The following SUPT3H variants were observed in gnomAD, a reference collection of about 807,000 sequenced individuals.
SUPT3H encodes the protein transcription initiation protein SPT3 homolog.
SUPT3H carries 44 observed loss-of-function variants against 44.3 expected under a neutral mutation model. The ratio of observed to expected loss-of-function variants is 0.99; its 90% CI spans 0.78 to 1.28. The LOEUF (loss-of-function observed/expected upper bound fraction) is 1.28, where lower values mean the gene tolerates loss of function less well. Among genes scored for constraint, SUPT3H ranks in the 50% most tolerant of loss-of-function variants. The pLI, the probability that SUPT3H is intolerant of heterozygous loss-of-function variation, is 0.00. For missense variants in SUPT3H, 380 were observed against 387.1 expected (o/e 0.98, Z 0.15); for synonymous variants, 124 against 125.6 (o/e 0.99, Z 0.09).
At chr6:45,338,684 T>A (rs1789130571) in intron 2 of SUPT3H, among the ~76,000 whole-genome samples, 1 of 152,146 alleles carries the variant, frequency 6.6e-6, no homozygotes, top group South Asian at 2.1e-4. Flanking sequence ...AATATAAATT[T>A]GGGTTCAGCT....
intron 2 of SUPT3H, among the ~76,000 whole-genome samples, chr6:45,345,693 C>A (rs924227442): frequency 9.2e-5 from 14 of 152,212 alleles, no homozygotes; most frequent in African/African-American, 3.1e-4. Flanking sequence ...GGTCTTTCCA[C>A]AGCCAACTCA....
intron 2 of SUPT3H, among the ~76,000 whole-genome samples, chr6:45,319,129 T>C (rs912617960): frequency 2.0e-5 from 3 of 152,096 alleles, no homozygotes; most frequent in Non-Finnish European, 4.4e-5. Flanking sequence ...TGAAGATGCT[T>C]TTTGGGTTTG....
intron 2 of SUPT3H, among the ~76,000 whole-genome samples, chr6:45,362,617 A>T (rs1238173680): frequency 6.6e-6 from 1 of 152,188 alleles, no homozygotes; most frequent in Non-Finnish European, 1.5e-5. Context: ...TCTATAAAGA[A>T]ATTCCTAAGG....
chr6:45,357,037 C>T (rs1383597693), intron 2 of SUPT3H, among the ~76,000 whole-genome samples: 3 of 152,098 alleles, frequency 2.0e-5, no homozygotes, highest in East Asian at 1.9e-4. Context: ...GACGGAGTCT[C>T]ACTCTGTCGC....
At chr6:45,157,542 T>C (rs926536151) in intron 2 of SUPT3H, among the ~76,000 whole-genome samples, 1 of 151,262 alleles carries the variant, frequency 6.6e-6, no homozygotes, top group Non-Finnish European at 1.5e-5. Flanking sequence ...TATATAAATA[T>C]ATATATACAT....
At chr6:44,838,717 G>T (rs775377852) in intron 10 of SUPT3H, among the ~76,000 whole-genome samples, 11 of 152,126 alleles carry the variant, frequency 7.2e-5, no homozygotes, top group Non-Finnish European at 1.5e-4. Context: ...TTGAATCACT[G>T]CTTTAGGGCC....
At chr6:45,375,500 T>C (rs1796653991) in intron 1 of SUPT3H, among the ~76,000 whole-genome samples, 3 of 152,198 alleles carry the variant, frequency 2.0e-5, no homozygotes, top group Non-Finnish European at 4.4e-5. Context: ...AGCTTTAAGT[T>C]ATTGCTCCAG....
chr6:45,139,801 A>G (rs921957469), intron 2 of SUPT3H, among the ~76,000 whole-genome samples: 2 of 152,192 alleles, frequency 1.3e-5, no homozygotes, highest in African/African-American at 4.8e-5. Flanking sequence ...GCCCTTAGGG[A>G]AAGCAGACAG....
chr6:45,303,987 A>C lies in SUPT3H; in HGVS notation c.101+61214T>G, dbSNP rs185534750. 3.1e-4 allele frequency among the ~76,000 whole-genome samples: 47 copies of C among 152,120 alleles called. 1 individual carries two copies. The East Asian group carries it at 9.1e-3, about 29-fold the overall frequency. On this transcript the variant is annotated intron_variant, in intron 2 of 10. Transcript: ENST00000371459. ...GCAAGACTCTGTCTCAAAAAAAAAA[A>C]AAACCAAAGCCAATTAAATCTTTAA... is the stretch of plus-strand genomic sequence containing the variant.
chr6:45,072,753 T>C (rs1794552850), intron 3 of SUPT3H, among the ~76,000 whole-genome samples: 1 of 152,090 alleles, frequency 6.6e-6, no homozygotes, highest in Non-Finnish European at 1.5e-5. Context: ...GAGTAATTGG[T>C]ACCCATCTTT....
At chr6:45,038,486 A>G (rs778115509) in intron 3 of SUPT3H, among the ~76,000 whole-genome samples, 1 of 152,212 alleles carries the variant, frequency 6.6e-6, no homozygotes, top group Non-Finnish European at 1.5e-5. Context: ...ATCATTTGTC[A>G]TAATAATCAG....
chr6:45,149,087 C>T (rs1435015030), intron 2 of SUPT3H, among the ~76,000 whole-genome samples: 1 of 152,172 alleles, frequency 6.6e-6, no homozygotes. Context: ...GATTACTAAA[C>T]ATATTAATAT....
intron 6 of SUPT3H, among the ~76,000 whole-genome samples, chr6:44,974,802 A>G (rs1184833832): frequency 6.6e-6 from 1 of 152,182 alleles, no homozygotes; most frequent in Non-Finnish European, 1.5e-5. Context: ...AGTCAATACA[A>G]TAAGACCTCT....
intron 10 of SUPT3H, among the ~76,000 whole-genome samples, chr6:44,846,149 T>C (rs1771845033): frequency 6.6e-6 from 1 of 152,172 alleles, no homozygotes; most frequent in South Asian, 2.1e-4. Flanking sequence ...CTGCATGCCC[T>C]GTGAGGGGGA....
intron 2 of SUPT3H, among the ~76,000 whole-genome samples, chr6:45,253,872 T>TATATATATATATATATATATATATACAC (rs1491408260): frequency 8.1e-6 from 1 of 124,076 alleles, no homozygotes. Flanking sequence ...TATATATATA[T>TATATATATATATATATATATATATACAC]ACACACACAC....
At chr6:45,363,190 G>C (rs1307518239) in intron 2 of SUPT3H, among the ~76,000 whole-genome samples, 1 of 152,082 alleles carries the variant, frequency 6.6e-6, no homozygotes, top group Admixed American at 6.5e-5. Context: ...GGCTTCAATA[G>C]ACAACAGATA....
intron 10 of SUPT3H, among the ~76,000 whole-genome samples, chr6:44,878,186 T>C (rs1177759914): frequency 1.3e-5 from 2 of 152,218 alleles, no homozygotes; most frequent in Admixed American, 1.3e-4. Context: ...TAAATAGTGA[T>C]AAAGTAATAT....
chr6:45,178,530 C>T (rs1693972), intron 2 of SUPT3H, among the ~76,000 whole-genome samples: 1 of 151,846 alleles, frequency 6.6e-6, no homozygotes, highest in Non-Finnish European at 1.5e-5. Context: ...AACAAGGATA[C>T]CCAGGAATTG....
intron 3 of SUPT3H, among the ~76,000 whole-genome samples, chr6:45,097,217 T>A (rs896521825): frequency 6.6e-6 from 1 of 152,202 alleles, no homozygotes; most frequent in African/African-American, 2.4e-5. Context: ...TCCTCAAATA[T>A]GAGGTGTCCC....
Sources: allele counts gnomAD v4.1 joint callset (sites outside exome capture counted in the v4.1 genomes callset), GRCh38; gene constraint gnomAD v4.1.1; transcripts MANE v1.5; gene names NCBI Gene and HGNC (gene_info 2026-07-23, HGNC 2026-07-21).